INPP4B: variants seen among roughly 807,000 people sequenced by gnomAD.
The protein encoded by INPP4B is inositol polyphosphate-4-phosphatase type II B, also known as inositol polyphosphate 4-phosphatase type II.
Under a neutral mutation model 122.5 loss-of-function variants are expected in INPP4B, and 55 were observed. The ratio of observed to expected loss-of-function variants is 0.45; its 90% CI spans 0.36 to 0.56. The LOEUF is 0.56. INPP4B is among the 20% of genes least tolerant of loss of function. The pLI is 0.00. For synonymous variants in INPP4B, 403 were observed against 388.7 expected, an observed-to-expected ratio of 1.04 and a Z score of -0.43; for missense variants, 1,000 against 1,097.7, an observed-to-expected ratio of 0.91 and a Z score of 1.26.
At chr4:142,176,790 C>G (rs1261667075) in intron 15 of INPP4B, among the ~76,000 whole-genome samples, 1 of 152,142 alleles carries the variant, frequency 6.6e-6, no homozygotes, top group East Asian at 1.9e-4. Flanking sequence ...GACGGAGCAT[C>G]TTTAGAGACA....
intron 2 of INPP4B, among the ~76,000 whole-genome samples, chr4:142,706,474 C>G (rs1272179015): frequency 6.6e-6 from 1 of 152,220 alleles, no homozygotes; most frequent in Non-Finnish European, 1.5e-5. Context: ...TGTCCTTTGT[C>G]TAGTCTGGCT....
intron 11 of INPP4B, among the ~76,000 whole-genome samples, chr4:142,246,066 T>C (rs1446004215): frequency 3.4e-5 from 5 of 145,890 alleles, no homozygotes; most frequent in Non-Finnish European, 7.5e-5. Context: ...TATATGTGTG[T>C]GTGTATACAC....
At chr4:142,253,219 T>G (rs947407143) in intron 11 of INPP4B, among the ~76,000 whole-genome samples, 1 of 152,150 alleles carries the variant, frequency 6.6e-6, no homozygotes, top group African/African-American at 2.4e-5. Context: ...GATGAGTCAG[T>G]GAGTGAGTGG....
intron 2 of INPP4B, among the ~76,000 whole-genome samples, chr4:142,652,978 A>G (rs1753329704): frequency 1.3e-5 from 2 of 152,224 alleles, no homozygotes; most frequent in Admixed American, 6.5e-5. Flanking sequence ...AAACTATACT[A>G]CAAGGCTACA....
At chr4:142,256,325 G>C (rs1163236880) in intron 11 of INPP4B, among the ~76,000 whole-genome samples, 1 of 151,520 alleles carries the variant, frequency 6.6e-6, no homozygotes, top group Non-Finnish European at 1.5e-5. Flanking sequence ...ACATTCAAAA[G>C]CTAGCAGAAG....
intron 1 of INPP4B, among the ~76,000 whole-genome samples, chr4:142,754,351 C>A (rs1770181542): frequency 6.6e-6 from 1 of 151,936 alleles, no homozygotes; most frequent in African/African-American, 2.4e-5. Context: ...TGACAAGCAA[C>A]AAAAAGAATT....
chr4:142,479,350 G>C (rs1223714502), intron 2 of INPP4B, among the ~76,000 whole-genome samples: 1 of 152,108 alleles, frequency 6.6e-6, no homozygotes, highest in Non-Finnish European at 1.5e-5. Context: ...ACAACACTTA[G>C]ACACTGCTGG....
chr4:142,838,528 A>C (rs1783100504), intron 1 of INPP4B, among the ~76,000 whole-genome samples: 1 of 152,164 alleles, frequency 6.6e-6, no homozygotes, highest in African/African-American at 2.4e-5. Context: ...TCTTTAAAAC[A>C]TACCGTATGA....
chr4:142,252,889 G>A (rs567376161), intron 11 of INPP4B, among the ~76,000 whole-genome samples: 186 of 152,268 alleles, frequency 1.2e-3, no homozygotes, highest in South Asian at 3.7e-3. Flanking sequence ...AAGGGGTTAT[G>A]TTCTGAGAAA....
intron 1 of INPP4B, among the ~76,000 whole-genome samples, chr4:142,739,152 A>G (rs1342610125): frequency 1.3e-5 from 2 of 152,144 alleles, no homozygotes; most frequent in East Asian, 1.9e-4. Flanking sequence ...AAATTAATGC[A>G]AAAGAAAATC....
chr4:142,825,588 C>G (rs546150114), intron 1 of INPP4B, among the ~76,000 whole-genome samples: 1 of 151,764 alleles, frequency 6.6e-6, no homozygotes, highest in African/African-American at 2.4e-5. Flanking sequence ...AAGAAATAAC[C>G]GTACTACAAA....
At chr4:142,760,135 A>C (rs1186150889) in intron 1 of INPP4B, among the ~76,000 whole-genome samples, 1 of 152,144 alleles carries the variant, frequency 6.6e-6, no homozygotes, top group Non-Finnish European at 1.5e-5. Context: ...CTAAATATAC[A>C]ACTGCCAAAG....
intron 2 of INPP4B, among the ~76,000 whole-genome samples, chr4:142,616,357 T>C (rs940779191): frequency 2.6e-5 from 4 of 152,118 alleles, no homozygotes; most frequent in African/African-American, 4.8e-5. Flanking sequence ...CAGAGAGATA[T>C]CTCCCAGTGC....
chr4:142,738,648 T>A (rs1767423817), intron 1 of INPP4B, among the ~76,000 whole-genome samples: 1 of 151,966 alleles, frequency 6.6e-6, no homozygotes, highest in Non-Finnish European at 1.5e-5. Flanking sequence ...TATAAACATA[T>A]TAGATTCCAA....
chr4:142,432,939 T>A (rs918882986), intron 3 of INPP4B, among the ~76,000 whole-genome samples: 8 of 152,160 alleles, frequency 5.3e-5, no homozygotes, highest in African/African-American at 1.7e-4. Context: ...AATTTGAGGA[T>A]GGGAGGAGAA....
intron 12 of INPP4B, among the ~76,000 whole-genome samples, chr4:142,216,736 T>C (rs1182099391): frequency 5.3e-5 from 8 of 152,156 alleles, no homozygotes; most frequent in African/African-American, 1.7e-4. Context: ...CTACTAATTA[T>C]ATGACATGTT....
At chr4:142,424,163 C>T (rs1028817534) in intron 5 of INPP4B, among the ~76,000 whole-genome samples, 4 of 151,860 alleles carry the variant, frequency 2.6e-5, no homozygotes, top group Non-Finnish European at 5.9e-5. Flanking sequence ...CCTTAGTTAG[C>T]CTCAGTGACT....
At chr4:142,207,791 C>T (rs1443910178) in intron 14 of INPP4B, among the ~76,000 whole-genome samples, 2 of 152,082 alleles carry the variant, frequency 1.3e-5, no homozygotes, top group African/African-American at 4.8e-5. Context: ...GATGAAAAGA[C>T]ATTGGAAAAC....
rs144082683 is a variant in INPP4B at position 142,024,061 on chromosome 4, A to G, written c.*4721T>C. ...CTTATTTGCTTAGAAATAGAATTCA[A>G]TGAGTGATTAATGTACACCATGATT... is the stretch of plus-strand genomic sequence containing the variant. On this transcript the variant is annotated 3_prime_UTR_variant, in exon 26 of 26. Coordinates refer to ENST00000262992, the MANE Select transcript of INPP4B (RefSeq NM_001101669.3). 7 of 152,222 alleles carry G rather than the reference A, an allele frequency of 4.6e-5. No homozygotes were observed. Among genetic ancestry groups the G allele is most frequent in the South Asian group, 2.1e-4 (1 of 4,824 alleles). The allele number at this position is 152,222 out of a possible 1,614,324, so 9.4% of individuals were successfully genotyped here. A position where few individuals can be genotyped will look rare whatever the true frequency, so the allele number is the denominator to read the frequency against.
Sources: allele counts gnomAD v4.1 joint callset (sites outside exome capture counted in the v4.1 genomes callset), GRCh38; gene constraint gnomAD v4.1.1; transcripts MANE v1.5; gene names NCBI Gene and HGNC (gene_info 2026-07-23, HGNC 2026-07-21).